Variants in KRT8 observed in about 807,000 individuals in gnomAD.
KRT8 encodes the protein keratin 8.
Under a neutral mutation model 43.0 loss-of-function variants are expected in KRT8, and 24 were observed. The ratio of observed to expected loss-of-function variants is 0.56; its 90% CI spans 0.40 to 0.78. KRT8 has a LOEUF of 0.78. Ranked by LOEUF, KRT8 falls within the 30% of genes least tolerant of loss-of-function variation. KRT8 has a pLI of 0.00. For missense variants in KRT8, 492 were observed against 638.4 expected, an observed-to-expected ratio of 0.77 and a Z score of 2.47; for synonymous variants, 214 against 261.2, an observed-to-expected ratio of 0.82 and a Z score of 1.74.
chr12:52,938,403 G>C (rs1592186372), intron 2 of KRT8, among the ~76,000 whole-genome samples: 1 of 151,638 alleles, frequency 6.6e-6, no homozygotes, highest in East Asian at 2.0e-4. Flanking sequence ...CTGGCCTCAA[G>C]TGATCCGTTT....
chr12:52,947,770 C>T (rs1341694596), intron 2 of KRT8: 1 of 133,266 alleles, frequency 7.5e-6, no homozygotes, highest in Non-Finnish European at 1.5e-5. Flanking sequence ...GCAGTGGCAT[C>T]GAACTCTTGA....
At chr12:52,903,314 A>G (rs1196406815) in intron 1 of KRT8, among the ~76,000 whole-genome samples, 1 of 152,198 alleles carries the variant, frequency 6.6e-6, no homozygotes, top group Non-Finnish European at 1.5e-5. Flanking sequence ...GGAGTCCATA[A>G]CCAGGAACCG....
exon 1 of KRT8, chr12:52,904,782 G>T (rs1407319102): frequency 1.6e-5 from 26 of 1,612,332 alleles, no homozygotes; most frequent in Non-Finnish European, 2.2e-5. Context: ...CTGGTTGACC[G>T]TAACTGCGGT....
At chr12:52,926,516 C>T in intron 2 of KRT8, 1 of 1,500,512 alleles carries the variant, frequency 6.7e-7, no homozygotes, top group African/African-American at 1.4e-5. Flanking sequence ...CCCCAGTCAC[C>T]TCTGCCGGAA....
intron 2 of KRT8, among the ~76,000 whole-genome samples, chr12:52,937,720 G>A (rs1017101768): frequency 2.0e-5 from 3 of 150,260 alleles, no homozygotes; most frequent in South Asian, 2.1e-4. Context: ...AAAACAGGCC[G>A]GGCATGGTGG....
intron 2 of KRT8, chr12:52,949,111 C>A (rs891320036): frequency 4.1e-5 from 56 of 1,361,902 alleles, no homozygotes; most frequent in Admixed American, 1.6e-4. Flanking sequence ...TCGCGCGGCT[C>A]GCGCAGGCCG....
intron 1 of KRT8, among the ~76,000 whole-genome samples, chr12:52,904,411 C>T (rs577833714): frequency 1.3e-5 from 2 of 152,140 alleles, no homozygotes; most frequent in Non-Finnish European, 2.9e-5. Flanking sequence ...CTTCCAAGAC[C>T]CTCCAGTTTA....
At position 52,931,062 on chromosome 12, in the gene KRT8, C is replaced by T. The variant is rs1942074072; in HGVS notation, c.-47+18394G>A. ...TCCCCACTTTTAGCTTCAGTGTCTC[C>T]CCCAGATTCTTTTTTTTTTTTTTGA... On this transcript the variant is annotated intron_variant, in intron 2 of 6. Transcript: ENST00000546826. Among the ~76,000 whole-genome samples the T allele has an allele frequency of 2.0e-5, 3 of 150,680 alleles. No individual in the cohort carries two copies. In the South Asian group the frequency reaches 6.3e-4, roughly 31 times the overall value.
exon 1 of KRT8, chr12:52,904,865 GGAGAAGCTC>G: frequency 1.2e-6 from 2 of 1,612,804 alleles, no homozygotes; most frequent in Non-Finnish European, 1.7e-6. Context: ...TGCCCACTCG[GGAGAAGCTC>G]GAGGAGCTGA....
At chr12:52,935,463 C>T (rs1325070848) in intron 2 of KRT8, among the ~76,000 whole-genome samples, 8 of 129,666 alleles carry the variant, frequency 6.2e-5, no homozygotes, top group Non-Finnish European at 9.4e-5. Context: ...GAGGCCGAGG[C>T]GGGTGTATCA....
At chr12:52,900,339 C>T (rs767255222) in intron 4 of KRT8, among the ~76,000 whole-genome samples, 3 of 152,264 alleles carry the variant, frequency 2.0e-5, no homozygotes, top group African/African-American at 4.8e-5. Context: ...ACCTTGGATA[C>T]GTTATTTCAC....
chr12:52,931,657 C>CATATATATATAT lies in KRT8; in HGVS notation c.-47+17787_-47+17798dup, dbSNP rs34460731. ...CTTTCTCCACTACTCATTGGCTCCC[C>CATATATATATAT]ATATATATATATATATATATTTGAG... On this transcript the variant is annotated intron_variant, in intron 2 of 6. Coordinates refer to the KRT8 transcript ENST00000546826. 1.0e-2 allele frequency among the ~76,000 whole-genome samples: 1,469 copies of CATATATATATAT among 147,156 alleles called. 23 individuals carry two copies. The highest frequency in any genetic ancestry group is 0.035 in the African/African-American group (1,369 of 39,624).
chr12:52,924,694 G>A (rs1941955701), intron 2 of KRT8, among the ~76,000 whole-genome samples: 1 of 152,120 alleles, frequency 6.6e-6, no homozygotes, highest in Non-Finnish European at 1.5e-5. Context: ...TGCTTGTATA[G>A]GACACTACTG....
intron 2 of KRT8, among the ~76,000 whole-genome samples, chr12:52,915,347 T>G (rs1296104601): frequency 6.8e-6 from 1 of 148,096 alleles, no homozygotes; most frequent in Non-Finnish European, 1.5e-5. Context: ...GCACTCCAGC[T>G]TGGGCAACAG....
chr12:52,904,516 T>C, intron 1 of KRT8, 142 bp downstream of exon 1: 1 of 802,866 alleles, frequency 1.2e-6, no homozygotes, highest in Non-Finnish European at 2.1e-6. Flanking sequence ...GAGGGGTGAG[T>C]CGGAGGATGG....
upstream of KRT8, among the ~76,000 whole-genome samples, chr12:52,906,287 TC>T (rs1283908792): frequency 1.3e-5 from 2 of 151,908 alleles, no homozygotes; most frequent in African/African-American, 4.8e-5. Flanking sequence ...GTCAGGGACT[TC>T]ATAGTTCTTG....
exon 4 of KRT8, chr12:52,900,611 A>G: frequency 6.2e-7 from 1 of 1,611,778 alleles, no homozygotes; most frequent in Non-Finnish European, 8.5e-7. Context: ...TGCCTGAGGA[A>G]GTTGATCTCG....
At chr12:52,912,425 T>TA (rs1941653711) in intron 2 of KRT8, among the ~76,000 whole-genome samples, 2 of 152,156 alleles carry the variant, frequency 1.3e-5, no homozygotes, top group African/African-American at 4.8e-5. Context: ...GTCATCCCTT[T>TA]AAAAACCCAC....
intron 2 of KRT8, among the ~76,000 whole-genome samples, chr12:52,913,494 G>A (rs1368315089): frequency 2.6e-5 from 4 of 152,204 alleles, no homozygotes; most frequent in East Asian, 1.9e-4. Flanking sequence ...TTTTGAGCAC[G>A]TGTCTTTATA....
Sources: gnomAD v4.1 joint callset for allele counts (sites outside exome capture counted in the v4.1 genomes callset) on GRCh38, gnomAD v4.1.1 for gene constraint, MANE v1.5 for transcripts, NCBI Gene and HGNC (gene_info 2026-07-23, HGNC 2026-07-21) for gene names.